ZCCHC4: variants seen among roughly 807,000 people sequenced by gnomAD.
ZCCHC4 encodes zinc finger CCHC-type containing 4.
Under a neutral mutation model 67.7 loss-of-function variants are expected in ZCCHC4, and 54 were observed. The ratio of observed to expected loss-of-function variants is 0.80; its 90% CI spans 0.64 to 1.00. The LOEUF (loss-of-function observed/expected upper bound fraction) is 1.00, where lower values mean the gene tolerates loss of function less well. ZCCHC4 is among the 50% of genes least tolerant of loss of function. ZCCHC4 has a pLI of 0.00. For missense variants in ZCCHC4, 609 were observed against 617.0 expected, an observed-to-expected ratio of 0.99 and a Z score of 0.14; for synonymous variants, 198 against 213.5, an observed-to-expected ratio of 0.93 and a Z score of 0.63.
Position 25,370,220 on chromosome 4 carries a change from C to A in ZCCHC4, c.*1056C>A, listed in dbSNP as rs956192198. ...CCAGGATAGTTTGGTAATTAAACGC[C>A]CAAACTAAACTCCTCATTCCTACCC... On this transcript the variant is annotated 3_prime_UTR_variant, in exon 13 of 13. Transcript: ENST00000302874. 2 of 152,100 alleles carry A rather than the reference C, an allele frequency of 1.3e-5. No homozygotes were observed. The highest frequency in any genetic ancestry group is 2.9e-5 in the Non-Finnish European group (2 of 68,018). 9.4% of individuals were successfully genotyped at this position (152,100 alleles called of 1,614,324 possible).
intron 5 of ZCCHC4, among the ~76,000 whole-genome samples, chr4:25,343,083 C>A (rs560978838): frequency 8.5e-5 from 13 of 152,276 alleles, no homozygotes; most frequent in African/African-American, 2.9e-4. Context: ...CAAATGATAT[C>A]ATGTTTACAC....
At chr4:25,363,692 T>C (rs1035854593) in intron 10 of ZCCHC4, among the ~76,000 whole-genome samples, 2 of 152,254 alleles carry the variant, frequency 1.3e-5, no homozygotes, top group Non-Finnish European at 2.9e-5. Flanking sequence ...TTAGTTTTTA[T>C]TAGTTGAGAC....
intron 3 of ZCCHC4, among the ~76,000 whole-genome samples, chr4:25,317,220 T>C (rs1718306484): frequency 6.6e-6 from 1 of 152,166 alleles, no homozygotes; most frequent in Non-Finnish European, 1.5e-5. Context: ...TCATTTAGAC[T>C]AAGCACAGAG....
At chr4:25,321,044 A>G (rs1265780899) in intron 3 of ZCCHC4, among the ~76,000 whole-genome samples, 2 of 152,082 alleles carry the variant, frequency 1.3e-5, no homozygotes, top group Admixed American at 6.5e-5. Flanking sequence ...TTTTGACCAT[A>G]TTTGAGTAAC....
Position 25,359,019 on chromosome 4 carries a change from C to T in ZCCHC4, c.1012-2840C>T, listed in dbSNP as rs2667296. Among the ~76,000 whole-genome samples, 42,763 of 151,996 alleles carry T rather than the reference C, an allele frequency of 0.28. 6,632 individuals are homozygous for T. The highest frequency in any genetic ancestry group is 0.42 in the African/African-American group (17,341 of 41,442). On this transcript the variant is annotated intron_variant, in intron 8 of 12. Transcript: ENST00000302874. This position sits in a 1 kb window ranked among gnomAD's most constrained non-coding sequence, Gnocchi z 4.9. ...ACACTTGGCGTGACAATTGACATCACGAACAGGATACTGAGGAGAGTGAGC... is the reference window on the plus strand; with the variant it reads ...ACACTTGGCGTGACAATTGACATCATGAACAGGATACTGAGGAGAGTGAGC...
At chr4:25,350,780 TG>T (rs1720267028) in intron 7 of ZCCHC4, among the ~76,000 whole-genome samples, 2 of 152,118 alleles carry the variant, frequency 1.3e-5, no homozygotes, top group Non-Finnish European at 2.9e-5. Context: ...CTAATTAGAG[TG>T]GATAAAGTCA....
At chr4:25,348,703 A>G (rs1720140353) in intron 6 of ZCCHC4, among the ~76,000 whole-genome samples, 1 of 152,188 alleles carries the variant, frequency 6.6e-6, no homozygotes, top group South Asian at 2.1e-4. Flanking sequence ...GCACCTGCAG[A>G]TTTTGGTATA....
intron 6 of ZCCHC4, 86 bp downstream of exon 6, chr4:25,345,706 C>A: frequency 1.1e-6 from 1 of 875,356 alleles, no homozygotes; most frequent in Non-Finnish European, 1.8e-6. Context: ...TTCTAAATTC[C>A]CTCAAGGTCA....
chr4:25,327,563 T>C (rs1718957177), intron 3 of ZCCHC4, among the ~76,000 whole-genome samples: 1 of 152,184 alleles, frequency 6.6e-6, no homozygotes, highest in South Asian at 2.1e-4. Context: ...CACTGTAGAC[T>C]CTACCTCCTT....
intron 5 of ZCCHC4, among the ~76,000 whole-genome samples, chr4:25,341,424 T>G (rs1393600685): frequency 6.6e-6 from 1 of 152,156 alleles, no homozygotes; most frequent in Non-Finnish European, 1.5e-5. Flanking sequence ...ATGCAAGAGC[T>G]GGTTGTTTAA....
chr4:25,329,795 A>C (rs529651155), intron 3 of ZCCHC4, among the ~76,000 whole-genome samples: 1 of 151,866 alleles, frequency 6.6e-6, no homozygotes, highest in East Asian at 1.9e-4. Context: ...GGCCTCCCAT[A>C]AGTGCTGGGA....
At chr4:25,339,347 T>G (rs1719617041) in intron 5 of ZCCHC4, among the ~76,000 whole-genome samples, 1 of 152,242 alleles carries the variant, frequency 6.6e-6, no homozygotes, top group Non-Finnish European at 1.5e-5. Flanking sequence ...ATGTTTACCT[T>G]CCTGGGGAAC....
intron 3 of ZCCHC4, among the ~76,000 whole-genome samples, chr4:25,321,799 G>A (rs1718600283): frequency 6.6e-6 from 1 of 152,202 alleles, no homozygotes; most frequent in South Asian, 2.1e-4. Flanking sequence ...ACAGGTGTGA[G>A]CCACAGTACC....
chr4:25,367,955 TA>T (rs1189740928), intron 12 of ZCCHC4, among the ~76,000 whole-genome samples: 11 of 152,174 alleles, frequency 7.2e-5, no homozygotes, highest in African/African-American at 2.7e-4. Context: ...CATTTTCACC[TA>T]AAAAAGTAGG....
intron 3 of ZCCHC4, among the ~76,000 whole-genome samples, chr4:25,332,297 C>CAAAA (rs35606314): frequency 1.1e-5 from 1 of 94,066 alleles, no homozygotes; most frequent in African/African-American, 4.1e-5. Context: ...GACTCCATCT[C>CAAAA]AAAAAAAAAA....
chr4:25,327,824 C>T (rs767490298), intron 3 of ZCCHC4, among the ~76,000 whole-genome samples: 3 of 151,968 alleles, frequency 2.0e-5, no homozygotes, highest in Non-Finnish European at 2.9e-5. Context: ...TTGTCAAGTG[C>T]GTTTTTGGGG....
Position 25,315,384 on chromosome 4 carries a change from A to T in ZCCHC4, c.313A>T (p.Thr105Ser), listed in dbSNP as rs917165051. Residue 105 changes from threonine to serine, a missense_variant, in exon 3 of 13, where the codon ACG becomes TCG. Transcript: ENST00000302874. ...NRRCQPPLSR[T>S]QCVERYLKFI... Reference sequence around the variant, plus strand: ...AAGATGTCAGCCTCCCCTGTCCCGAACGCAGTGTGTGGAAAGGTACTGATG... The same window carrying T: ...AAGATGTCAGCCTCCCCTGTCCCGATCGCAGTGTGTGGAAAGGTACTGATG... 1 of 1,612,344 alleles carries T rather than the reference A, an allele frequency of 6.2e-7. No individual in the cohort carries two copies. The highest frequency in any genetic ancestry group is 8.5e-7 in the Non-Finnish European group (1 of 1,179,148).
chr4:25,329,575 A>T (rs1278989666), intron 3 of ZCCHC4, among the ~76,000 whole-genome samples: 2 of 136,952 alleles, frequency 1.5e-5, no homozygotes, highest in Non-Finnish European at 3.0e-5. Flanking sequence ...TCGCTCTGTC[A>T]CCAGGCTGGA....
At chr4:25,314,587 C>G (rs1334733165) in intron 2 of ZCCHC4, among the ~76,000 whole-genome samples, 1 of 152,094 alleles carries the variant, frequency 6.6e-6, no homozygotes, top group Non-Finnish European at 1.5e-5. Context: ...AGAGGGTCAT[C>G]CTTTCTTTAT....
Sources: allele counts gnomAD v4.1 joint callset (sites outside exome capture counted in the v4.1 genomes callset), GRCh38; gene constraint gnomAD v4.1.1; non-coding constraint Gnocchi (gnomAD v3.1); transcripts MANE v1.5; gene names NCBI Gene and HGNC (gene_info 2026-07-23, HGNC 2026-07-21).